FXYD7: variants seen among roughly 807,000 people sequenced by gnomAD.
FXYD7 encodes the protein FXYD domain containing ion transport regulator 7.
Under a neutral mutation model 15.3 loss-of-function variants are expected in FXYD7, and 7 were observed. The ratio of observed to expected loss-of-function variants is 0.46; its 90% CI spans 0.26 to 0.86. The LOEUF is 0.86. Ranked by LOEUF, FXYD7 falls within the 40% of genes least tolerant of loss-of-function variation. The probability of loss-of-function intolerance (pLI) is 0.16; values close to 1 mark genes in which losing one functional copy is unlikely to be tolerated. For missense variants in FXYD7, 78 were observed against 100.6 expected (o/e 0.78, Z 0.96); for synonymous variants, 39 against 39.3 (o/e 0.99, Z 0.03).
chr19:35,151,610 C>G (rs750946668), intron 4 of FXYD7, 23 bp from the exon 5 acceptor site: 6 of 1,610,210 alleles, frequency 3.7e-6, no homozygotes, highest in East Asian at 4.5e-5. Context: ...TTCTACTTTT[C>G]TCTCTCATCT....
chr19:35,153,788 C>G (rs969188000), intron 5 of FXYD7, 106 bp from the exon 6 acceptor site: 2 of 1,024,184 alleles, frequency 2.0e-6, no homozygotes, highest in Admixed American at 3.6e-5. Context: ...GGTGACAGTC[C>G]CTGGGGTCTG....
chr19:35,151,580 C>G lies in FXYD7; in HGVS notation c.180-53C>G, dbSNP rs73588876. The G allele has an allele frequency of 6.0e-3, 9,639 of 1,596,706 alleles. 451 individuals are homozygous for G. In the African/African-American group the frequency reaches 0.11, roughly 18 times the overall value. Reference sequence around the variant, plus strand: ...GGCCTGCCATGCGTTTTCCCCAAAGCCTATGGTTATTGAACCTCTTTCTAC... The same window carrying G: ...GGCCTGCCATGCGTTTTCCCCAAAGGCTATGGTTATTGAACCTCTTTCTAC... On this transcript the variant is annotated intron_variant, in intron 4 of 5. Transcript: ENST00000270310.
rs761476085 is a variant in FXYD7 at position 35,151,238 on chromosome 19, C to G, written c.62-16C>G. On this transcript the variant is annotated splice_polypyrimidine_tract_variant and intron_variant, in intron 2 of 5. Coordinates refer to ENST00000270310, the MANE Select transcript of FXYD7 (RefSeq NM_022006.2). The stretch of plus-strand genomic sequence containing the variant: ...GGTGCTGTCCCTGCCTCGATGTCCC[C>G]CATTATCTTCCCCAGACTACAACAC... The G allele has an allele frequency of 1.9e-6, 3 of 1,546,664 alleles. No individual in the cohort carries two copies. Among genetic ancestry groups the G allele is most frequent in the Non-Finnish European group, 2.7e-6 (3 of 1,118,548 alleles).
chr19:35,152,134 CAAAAAAAA>C (rs71167517), intron 5 of FXYD7, among the ~76,000 whole-genome samples: 5 of 45,138 alleles, frequency 1.1e-4, no homozygotes, highest in African/African-American at 2.6e-4. Flanking sequence ...GTGAGACTGT[CAAAAAAAA>C]AAAAAAAAAA....
intron 1 of FXYD7, among the ~76,000 whole-genome samples, chr19:35,147,629 C>A (rs2065293037): frequency 6.6e-6 from 1 of 152,100 alleles, no homozygotes; most frequent in Non-Finnish European, 1.5e-5. Flanking sequence ...CATATTTACA[C>A]ATACACACAC....
At position 35,154,121 on chromosome 19, in the gene FXYD7, C is replaced by CCAA; in HGVS notation, c.*205_*206insCAA. On this transcript the variant is annotated 3_prime_UTR_variant, in exon 6 of 6. Coordinates refer to ENST00000270310, the MANE Select transcript of FXYD7 (RefSeq NM_022006.2). ...TCCCCCAAAGAGCCCGTCTGCACCCCAGACCCAGGGCCTCAGGCCTCCAGC... is the reference window on the plus strand; with the variant it reads ...TCCCCCAAAGAGCCCGTCTGCACCCCCAAAGACCCAGGGCCTCAGGCCTCCAGC... The CCAA allele has an allele frequency of 1.8e-6, 1 of 560,170 alleles. No individual in the cohort carries two copies. Among genetic ancestry groups the CCAA allele is most frequent in the Non-Finnish European group, 3.2e-6 (1 of 317,344 alleles). The allele number at this position is 560,170 out of a possible 1,614,324, so 34.7% of individuals were successfully genotyped here. A position where few individuals can be genotyped will look rare whatever the true frequency, so the allele number is the denominator to read the frequency against.
At chr19:35,152,718 G>A (rs2065315949) in intron 5 of FXYD7, among the ~76,000 whole-genome samples, 1 of 151,788 alleles carries the variant, frequency 6.6e-6, no homozygotes, top group African/African-American at 2.4e-5. Context: ...AGGAGGGCGT[G>A]GAGGGTGGAG....
At chr19:35,151,399 G>T (rs374283792) in intron 3 of FXYD7, 41 bp from the exon 4 acceptor site, 663 of 1,610,802 alleles carry the variant, frequency 4.1e-4, no homozygotes, top group Admixed American at 1.2e-3. Context: ...TATCCTACCC[G>T]CTATGTCCTG....
At chr19:35,153,038 T>TTTTTTTTTTTG (rs1568407821) in intron 5 of FXYD7, among the ~76,000 whole-genome samples, 1 of 108,976 alleles carries the variant, frequency 9.2e-6, no homozygotes, top group African/African-American at 3.8e-5. Flanking sequence ...CGTTCCTTTT[T>TTTTTTTTTTTG]TTTTTTTTTT....
chr19:35,144,031 A>T (rs1315576531), intron 1 of FXYD7, among the ~76,000 whole-genome samples: 1 of 151,996 alleles, frequency 6.6e-6, no homozygotes, highest in Non-Finnish European at 1.5e-5. Flanking sequence ...GGCTGAGAGC[A>T]GTAGACAGAG....
chr19:35,148,949 G>A (rs752662589), intron 2 of FXYD7: 21 of 672,658 alleles, frequency 3.1e-5, no homozygotes, highest in South Asian at 1.8e-4. Flanking sequence ...AGGTCTCACC[G>A]GGATCTGGGC....
chr19:35,151,168 T>C, intron 2 of FXYD7, 86 bp from the exon 3 acceptor site: 3 of 880,932 alleles, frequency 3.4e-6, no homozygotes, highest in Middle Eastern at 2.2e-4. Flanking sequence ...TCTGGGTTCC[T>C]GGCTGGGCCA....
chr19:35,148,633 T>C, intron 1 of FXYD7, 61 bp from the exon 2 acceptor site: 1 of 1,405,336 alleles, frequency 7.1e-7, no homozygotes, highest in Non-Finnish European at 9.6e-7. Flanking sequence ...CTAAAAAATA[T>C]TAAGAAATAC....
At chr19:35,150,172 C>T (rs78256067) in intron 2 of FXYD7, among the ~76,000 whole-genome samples, 1 of 152,170 alleles carries the variant, frequency 6.6e-6, no homozygotes, top group South Asian at 2.1e-4. Flanking sequence ...CTGCCTTGGC[C>T]TCCCAAAGTG....
intron 5 of FXYD7, among the ~76,000 whole-genome samples, chr19:35,152,408 G>A (rs909150275): frequency 1.3e-5 from 2 of 151,856 alleles, no homozygotes; most frequent in East Asian, 1.9e-4. Context: ...TGAGGAAGAC[G>A]GGGAGAGGCT....
chr19:35,148,097 G>GAAAGAAAGAAAGAA (rs1568405928), intron 1 of FXYD7, among the ~76,000 whole-genome samples: 1 of 101,374 alleles, frequency 9.9e-6, no homozygotes, highest in African/African-American at 4.0e-5. Flanking sequence ...GAAAGAAAGA[G>GAAAGAAAGAAAGAA]AGAGAGAAAG....
At chr19:35,147,999 A>C (rs1451147040) in intron 1 of FXYD7, among the ~76,000 whole-genome samples, 1 of 149,952 alleles carries the variant, frequency 6.7e-6, no homozygotes, top group East Asian at 2.0e-4. Flanking sequence ...TCTCAAAAAA[A>C]GAAAGAAGGA....
intron 1 of FXYD7, among the ~76,000 whole-genome samples, chr19:35,147,813 G>A (rs993714374): frequency 6.6e-6 from 1 of 151,920 alleles, no homozygotes; most frequent in African/African-American, 2.4e-5. Context: ...AGCCAACATG[G>A]TGAAATCCCG....
At position 35,151,321 on chromosome 19, in the gene FXYD7, C is replaced by T. The variant is rs768246207; in HGVS notation, c.129C>T (p.Ile43=). ...ATILFLLGIL[I]VISKKVKCRK... The stretch of plus-strand genomic sequence containing the variant: ...TCTTGTTCCTGCTGGGTATCCTCAT[C>T]GTCATCAGTAAGTGCGACCCATTCC... The change falls in exon 3 of 6, where the codon ATC becomes ATT. Residue 43 remains isoleucine (I), a synonymous_variant. Transcript: ENST00000270310. 37 of 1,605,644 alleles carry T rather than the reference C, an allele frequency of 2.3e-5. No individual in the cohort carries two copies. The East Asian group carries it at 7.1e-4, about 31-fold the overall frequency.
Sources: allele counts gnomAD v4.1 joint callset (sites outside exome capture counted in the v4.1 genomes callset), GRCh38; gene constraint gnomAD v4.1.1; transcripts MANE v1.5; gene names NCBI Gene and HGNC (gene_info 2026-07-23, HGNC 2026-07-21).